Variants in COL22A1 observed in about 807,000 individuals in gnomAD.
COL22A1 encodes the protein collagen type XXII alpha 1 chain.
Under a neutral mutation model 248.9 loss-of-function variants are expected in COL22A1, and 221 were observed. The observed-to-expected ratio is 0.89, with a 90% confidence interval of 0.80 to 0.99. The LOEUF (loss-of-function observed/expected upper bound fraction) is 0.99, where lower values mean the gene tolerates loss of function less well. COL22A1 is among the 50% of genes least tolerant of loss of function. The pLI, the probability that COL22A1 is intolerant of heterozygous loss-of-function variation, is 0.00. For missense variants in COL22A1, 2,240 were observed against 2,179.0 expected, an observed-to-expected ratio of 1.03 and a Z score of -0.56; for synonymous variants, 891 against 793.4, an observed-to-expected ratio of 1.12 and a Z score of -2.07.
chr8:138,802,194 C>G (rs908265811), intron 11 of COL22A1, among the ~76,000 whole-genome samples: 1 of 152,136 alleles, frequency 6.6e-6, no homozygotes, highest in African/African-American at 2.4e-5. Flanking sequence ...CCGGAATTCA[C>G]TTCTCAGCCA....
At chr8:138,806,067 TGTGTGTGATG>T (rs1817644608) in intron 10 of COL22A1, among the ~76,000 whole-genome samples, 2 of 53,836 alleles carry the variant, frequency 3.7e-5, no homozygotes, top group Non-Finnish European at 7.3e-5. Flanking sequence ...TGTGTGGTGG[TGTGTGTGATG>T]GTGTGTGTAA....
At chr8:138,754,856 A>T (rs1563716431) in intron 21 of COL22A1, among the ~76,000 whole-genome samples, 1 of 152,200 alleles carries the variant, frequency 6.6e-6, no homozygotes, top group Non-Finnish European at 1.5e-5. Context: ...TAAAACATCA[A>T]ACTGAATCCC....
intron 5 of COL22A1, among the ~76,000 whole-genome samples, chr8:138,828,328 C>G (rs1235476786): frequency 6.6e-6 from 1 of 152,172 alleles, no homozygotes; most frequent in African/African-American, 2.4e-5. Flanking sequence ...GGCCCCCACC[C>G]ACTTGATGGC....
At chr8:138,759,271 C>T (rs1279504640) in intron 18 of COL22A1, among the ~76,000 whole-genome samples, 1 of 152,198 alleles carries the variant, frequency 6.6e-6, no homozygotes, top group Non-Finnish European at 1.5e-5. Context: ...GCAGCCTTCT[C>T]CCATATTTAG....
At chr8:138,600,363 AC>A (rs1817900636) in intron 60 of COL22A1, among the ~76,000 whole-genome samples, 1 of 152,218 alleles carries the variant, frequency 6.6e-6, no homozygotes, top group Non-Finnish European at 1.5e-5. Context: ...TGAGAACGTG[AC>A]CCAGAGCCAC....
intron 33 of COL22A1, 109 bp from the exon 34 acceptor site, chr8:138,694,670 A>G (rs1827353611): frequency 6.5e-6 from 9 of 1,383,212 alleles, no homozygotes; most frequent in African/African-American, 2.8e-5. Flanking sequence ...CAAGGAGGGG[A>G]CGTAGCTAGC....
rs1167292599 is a variant in COL22A1 at position 138,772,684 on chromosome 8, G to T, written c.1803+3282C>A. ...TTTGGATTCTTTCTGGCACATTAAA[G>T]AAAATAAATACTTAAAACATAGTTT... On this transcript the variant is annotated intron_variant, in intron 16 of 64. Transcript: ENST00000303045. 2.6e-5 allele frequency among the ~76,000 whole-genome samples: 4 copies of T among 152,218 alleles called. 1 individual carries two copies. The highest frequency in any genetic ancestry group is 9.6e-5 in the African/African-American group (4 of 41,534).
At chr8:138,705,951 T>C (rs1408221986) in intron 30 of COL22A1, among the ~76,000 whole-genome samples, 2 of 151,624 alleles carry the variant, frequency 1.3e-5, no homozygotes, top group African/African-American at 4.8e-5. Flanking sequence ...ACCAAGCAAA[T>C]GGAAAGCAAA....
At chr8:138,744,669 G>A (rs762395115) in intron 22 of COL22A1, among the ~76,000 whole-genome samples, 5 of 152,160 alleles carry the variant, frequency 3.3e-5, no homozygotes, top group Non-Finnish European at 5.9e-5. Context: ...GATTAAAACC[G>A]CCATACCTCA....
intron 21 of COL22A1, among the ~76,000 whole-genome samples, chr8:138,752,448 C>T (rs951970974): frequency 3.3e-5 from 5 of 152,306 alleles, no homozygotes; most frequent in African/African-American, 1.2e-4. Context: ...CTTAATAACG[C>T]CATGTAAATG....
chr8:138,769,280 CCTGCTGTA>C (rs1478802394), intron 16 of COL22A1, among the ~76,000 whole-genome samples: 2 of 152,170 alleles, frequency 1.3e-5, no homozygotes, highest in Non-Finnish European at 2.9e-5. Context: ...CAATGAGCTC[CCTGCTGTA>C]CTCGGACCAC....
At chr8:138,768,878 A>C (rs757884848) in intron 16 of COL22A1, among the ~76,000 whole-genome samples, 168 of 152,204 alleles carry the variant, frequency 1.1e-3, no homozygotes, top group Middle Eastern at 0.01. Context: ...CAGAGGTTTC[A>C]GTGAGCCGAG....
intron 5 of COL22A1, among the ~76,000 whole-genome samples, chr8:138,830,341 A>C (rs1819945113): frequency 6.6e-6 from 1 of 152,266 alleles, no homozygotes; most frequent in Non-Finnish European, 1.5e-5. Context: ...CCCTTTACAT[A>C]TTAAAAAGGT....
chr8:138,717,399 G>A (rs1397001957), intron 27 of COL22A1, among the ~76,000 whole-genome samples: 4 of 151,980 alleles, frequency 2.6e-5, no homozygotes, highest in Admixed American at 6.6e-5. Context: ...AGCCTGCCTC[G>A]GCCTCCCAAA....
At chr8:138,891,378 C>T (rs1397543252) in intron 1 of COL22A1, among the ~76,000 whole-genome samples, 1 of 152,190 alleles carries the variant, frequency 6.6e-6, no homozygotes, top group Non-Finnish European at 1.5e-5. Context: ...TCCCTAAGCA[C>T]ACACCCTAGT....
chr8:138,883,219 G>GCGT lies in COL22A1; in HGVS notation c.-48_-47insACG. The GCGT allele has an allele frequency of 1.3e-6, 2 of 1,505,270 alleles. No individual in the cohort carries two copies. Among genetic ancestry groups the GCGT allele is most frequent in the Non-Finnish European group, 1.8e-6 (2 of 1,106,322 alleles). The allele number at this position is 1,505,270 out of a possible 1,614,324, so 93.2% of individuals were successfully genotyped here. A position where few individuals can be genotyped will look rare whatever the true frequency, so the allele number is the denominator to read the frequency against. On this transcript the variant is annotated 5_prime_UTR_variant, in exon 2 of 65. Transcript: ENST00000303045. Reference sequence around the variant, plus strand: ...AGGCTTCTCTTGGCCAGGAAGAGACGCTGTTAGGGTCTACAGCAGCATGGC... The same window carrying GCGT: ...AGGCTTCTCTTGGCCAGGAAGAGACGCGTCTGTTAGGGTCTACAGCAGCATGGC...
chr8:138,623,265 TGTG>T (rs1564109252), intron 52 of COL22A1, among the ~76,000 whole-genome samples: 37 of 3,106 alleles, frequency 0.012, no homozygotes, highest in East Asian at 0.041. Flanking sequence ...TATATTTATG[TGTG>T]TGTGTGTGTG....
rs546678110 is a variant in COL22A1 at position 138,908,627 on chromosome 8, T to C, written c.-73+4992A>G. ...ATGTTCCTAAGCCCCAATGTGTCCATCTGTAAAGGGGGTAACAGCATAGTT... is the reference window on the plus strand; with the variant it reads ...ATGTTCCTAAGCCCCAATGTGTCCACCTGTAAAGGGGGTAACAGCATAGTT... On this transcript the variant is annotated intron_variant, in intron 1 of 64. Transcript: ENST00000303045. 2.6e-5 allele frequency among the ~76,000 whole-genome samples: 4 copies of C among 152,266 alleles called. No homozygotes were observed. The East Asian group carries it at 5.8e-4, about 22-fold the overall frequency.
intron 37 of COL22A1, among the ~76,000 whole-genome samples, chr8:138,688,069 C>A (rs1826506924): frequency 6.6e-6 from 1 of 152,270 alleles, no homozygotes; most frequent in Admixed American, 6.5e-5. Flanking sequence ...TTTCCTGAGC[C>A]CTGGCTCAGT....
Sources: gnomAD v4.1 joint callset for allele counts (sites outside exome capture counted in the v4.1 genomes callset) on GRCh38, gnomAD v4.1.1 for gene constraint, MANE v1.5 for transcripts, NCBI Gene and HGNC (gene_info 2026-07-23, HGNC 2026-07-21) for gene names.